The following TMEM43 variants were observed in gnomAD, a reference collection of about 807,000 sequenced individuals.
TMEM43 encodes the protein arrhythmogenic right ventricular dysplasia 5.
A neutral mutation model predicts 49.6 loss-of-function variants in TMEM43; 45 were observed. That is an observed-to-expected ratio of 0.91 (90% CI 0.71 to 1.16). The LOEUF (loss-of-function observed/expected upper bound fraction) is 1.16, where lower values mean the gene tolerates loss of function less well. TMEM43 is among the 50% of genes most tolerant of loss of function. TMEM43 has a pLI of 0.00. For synonymous variants in TMEM43, 199 were observed against 207.8 expected, an observed-to-expected ratio of 0.96 and a Z score of 0.36; for missense variants, 532 against 516.6, an observed-to-expected ratio of 1.03 and a Z score of -0.29.
chr3:14,129,497 C>G lies in TMEM43; in HGVS notation c.98C>G (p.Ser33Trp). 1 of 1,614,058 alleles carries G rather than the reference C, an allele frequency of 6.2e-7. No homozygotes were observed. The highest frequency in any genetic ancestry group is 8.5e-7 in the Non-Finnish European group (1 of 1,180,002). The change falls in exon 2 of 12, where the codon TCG becomes TGG. Residue 33 changes from serine (S) to tryptophan (W), a missense_variant. Ser to Trp is a radical substitution (Grantham distance 177). Transcript: ENST00000306077. The part of the protein sequence containing the change: ...PGFLERLSET[S>W]GGMFVGLMAF... ...TTCCTGGAACGGCTGAGCGAGACCT[C>G]GGGTGGGATGTTTGTGGGGCTCATG...
In TMEM43 at chr3:14,133,380, A is replaced by G. The variant is rs145829904; in HGVS notation, c.513-359A>G. 1.1e-3 allele frequency among the ~76,000 whole-genome samples: 172 copies of G among 152,282 alleles called. 2 individuals carry two copies. Among genetic ancestry groups the G allele is most frequent in the Non-Finnish European group, 1.8e-3 (123 of 68,016 alleles). On this transcript the variant is annotated intron_variant, in intron 6 of 11. Transcript: ENST00000306077. ...GCTAGAGAGCAGGCCTTGTTCAGCA[A>G]TGGTCTGGGCTGTGCCAGTAAGATG...
chr3:14,133,586 G>T (rs1695127033), intron 6 of TMEM43, among the ~76,000 whole-genome samples, 153 bp from the exon 7 acceptor site: 1 of 152,122 alleles, frequency 6.6e-6, no homozygotes. Context: ...CAGGGCCCCT[G>T]GGGGTGGACA....
At chr3:14,136,713 GC>G (rs1308269027) in intron 10 of TMEM43, among the ~76,000 whole-genome samples, 2 of 136,130 alleles carry the variant, frequency 1.5e-5, no homozygotes, top group Non-Finnish European at 3.0e-5. Context: ...GGGTGGGGGG[GC>G]TCCACCAAAG....
chr3:14,126,922 T>C (rs776278916), intron 1 of TMEM43, among the ~76,000 whole-genome samples: 2 of 152,154 alleles, frequency 1.3e-5, no homozygotes, highest in African/African-American at 2.4e-5. Flanking sequence ...CTCCACTTTA[T>C]AAGTGAGTAA....
chr3:14,130,075 C>G (rs570043050), intron 2 of TMEM43, among the ~76,000 whole-genome samples: 1 of 139,462 alleles, frequency 7.2e-6, no homozygotes, highest in East Asian at 2.4e-4. Flanking sequence ...CTCTCTTTCT[C>G]TCTTTCTTGT....
chr3:14,135,474 G>T (rs1695156494), intron 9 of TMEM43, among the ~76,000 whole-genome samples: 1 of 152,150 alleles, frequency 6.6e-6, no homozygotes, highest in South Asian at 2.1e-4. Flanking sequence ...CGCACCTTAT[G>T]ACAGGTGTTC....
intron 9 of TMEM43, among the ~76,000 whole-genome samples, chr3:14,135,523 C>T (rs541491208): frequency 6.6e-6 from 1 of 152,342 alleles, no homozygotes; most frequent in African/African-American, 2.4e-5. Context: ...CCGTTTTGAT[C>T]TGTCAATAAT....
chr3:14,127,204 T>C (rs1262669931), intron 1 of TMEM43, among the ~76,000 whole-genome samples: 4 of 152,164 alleles, frequency 2.6e-5, no homozygotes, highest in African/African-American at 9.7e-5. Context: ...TATGTGTGGA[T>C]ATATAGATCC....
At chr3:14,130,999 T>G in intron 3 of TMEM43, 43 bp downstream of exon 3, 2 of 1,587,280 alleles carry the variant, frequency 1.3e-6, no homozygotes, top group Non-Finnish European at 1.7e-6. Context: ...GGCTCGGGGC[T>G]CATCCTGGAT....
rs563997718 is a variant in TMEM43 at position 14,136,035 on chromosome 3, G to A, written c.882+127G>A. On this transcript the variant is annotated intron_variant, in intron 10 of 11. Transcript: ENST00000306077. ...GAATGAGGCAAGAAGAAGAAATAGC[G>A]GAATGTTGAGTATGCCTCATCAAAG... 4.0e-4 allele frequency: 342 copies of A among 855,812 alleles called. 2 individuals carry two copies. The highest frequency in any genetic ancestry group is 2.2e-3 in the Middle Eastern group (10 of 4,632). 53.0% of individuals were successfully genotyped at this position (855,812 alleles called of 1,614,324 possible). A position where few individuals can be genotyped will look rare whatever the true frequency, so the allele number is the denominator to read the frequency against.
chr3:14,126,703 A>T (rs186102895), intron 1 of TMEM43, among the ~76,000 whole-genome samples: 1 of 152,236 alleles, frequency 6.6e-6, no homozygotes, highest in Non-Finnish European at 1.5e-5. Flanking sequence ...TCTTGGGTAC[A>T]TTGAGACCTG....
chr3:14,131,685 G>C lies in TMEM43; in HGVS notation c.392+11G>C, dbSNP rs1695098140. 1 of 1,606,598 alleles carries C rather than the reference G, an allele frequency of 6.2e-7. No individual in the cohort carries two copies. The highest frequency in any genetic ancestry group is 2.2e-5 in the East Asian group (1 of 44,832). On this transcript the variant is annotated intron_variant, in intron 4 of 11. Transcript: ENST00000306077. ...AACTGAGGAGTCCAGGTGAGCTGTT[G>C]GGGTGAAAACTCTGTTGGGGTAAAG...
At chr3:14,127,118 CCGTCTGTGTGTG>C (rs1695031744) in intron 1 of TMEM43, among the ~76,000 whole-genome samples, 1 of 152,070 alleles carries the variant, frequency 6.6e-6, no homozygotes, top group African/African-American at 2.4e-5. Flanking sequence ...CTGGGGATGT[CCGTCTGTGTGTG>C]CGTGTGTGTG....
At chr3:14,131,054 A>T in intron 3 of TMEM43, 98 bp downstream of exon 3, 1 of 1,477,264 alleles carries the variant, frequency 6.8e-7, no homozygotes, top group South Asian at 1.3e-5. Context: ...GGAGATGGTC[A>T]CACATGGGAG....
At position 14,129,147 on chromosome 3, in the gene TMEM43, G is replaced by T. The variant is rs923895283; in HGVS notation, c.13-265G>T. ...ACCAGTTACCTCTGGTTGGTGGAGAGGGGGAGAATTGGCAGGAAAGGGGCA... is the reference window on the plus strand; with the variant it reads ...ACCAGTTACCTCTGGTTGGTGGAGATGGGGAGAATTGGCAGGAAAGGGGCA... On this transcript the variant is annotated intron_variant, in intron 1 of 11. Coordinates refer to ENST00000306077, the MANE Select transcript of TMEM43 (RefSeq NM_024334.3). 1.5e-5 allele frequency: 6 copies of T among 398,602 alleles called. No homozygotes were observed. The East Asian group carries it at 3.0e-4, about 20-fold the overall frequency. 24.7% of individuals were successfully genotyped at this position (398,602 alleles called of 1,614,324 possible). A position where few individuals can be genotyped will look rare whatever the true frequency, so the allele number is the denominator to read the frequency against.
intron 1 of TMEM43, among the ~76,000 whole-genome samples, chr3:14,127,766 G>A (rs1002099234): frequency 2.0e-5 from 3 of 152,102 alleles, no homozygotes; most frequent in African/African-American, 7.2e-5. Context: ...GACGACTTCT[G>A]GATTCATGGA....
intron 9 of TMEM43, 52 bp from the exon 10 acceptor site, chr3:14,135,755 G>C: frequency 1.3e-6 from 2 of 1,521,368 alleles, no homozygotes; most frequent in Non-Finnish European, 1.8e-6. Context: ...GCTCTCGTGG[G>C]CGTGTCTCCC....
chr3:14,132,177 G>A (rs1231847670), intron 4 of TMEM43, among the ~76,000 whole-genome samples: 1 of 152,208 alleles, frequency 6.6e-6, no homozygotes, highest in Non-Finnish European at 1.5e-5. Context: ...CCGACAGGTG[G>A]GGAGGTGGTG....
In TMEM43 at chr3:14,130,924, G is replaced by A. The variant is rs147319971; in HGVS notation, c.265G>A (p.Val89Met). ...SVAPENEGRLVHIIGALRTSK... is the reference protein window; with the variant it reads ...SVAPENEGRLMHIIGALRTSK... ...GGCTCCGGAGAATGAAGGAAGGCTG[G>A]TGCACATCATTGGCGCCTTACGGAC... The change falls in exon 3 of 12, where the codon GTG (valine) becomes ATG (methionine). Residue 89 changes from valine (V) to methionine (M), a missense_variant. Transcript: ENST00000306077. The A allele has an allele frequency of 9.1e-5, 146 of 1,613,218 alleles. No individual in the cohort carries two copies. In the East Asian group the frequency reaches 3.1e-3, roughly 34 times the overall value.
Sources: allele counts gnomAD v4.1 joint callset (sites outside exome capture counted in the v4.1 genomes callset), GRCh38; gene constraint gnomAD v4.1.1; transcripts MANE v1.5; gene names NCBI Gene and HGNC (gene_info 2026-07-23, HGNC 2026-07-21).